Variants in CPE observed in about 807,000 individuals in gnomAD.
CPE encodes the protein carboxypeptidase E, also known as carbocypeptidase E.
A neutral mutation model predicts 53.5 loss-of-function variants in CPE; 17 were observed. The observed-to-expected ratio is 0.32, with a 90% CI of 0.22 to 0.48. The LOEUF is 0.48. Among genes scored for constraint, CPE ranks in the 20% least tolerant of loss-of-function variants. The pLI, the probability that CPE is intolerant of heterozygous loss-of-function variation, is 0.99. For missense variants in CPE, 524 were observed against 614.7 expected (o/e 0.85, Z 1.56); for synonymous variants, 226 against 228.8 (o/e 0.99, Z 0.11).
chr4:165,408,949 G>T (rs998767982), intron 1 of CPE, among the ~76,000 whole-genome samples: 1 of 152,192 alleles, frequency 6.6e-6, no homozygotes, highest in African/African-American at 2.4e-5. Context: ...AAAAGTTTCT[G>T]CAGGACACAT....
chr4:165,484,657 C>A, intron 5 of CPE, 53 bp downstream of exon 5: 1 of 1,507,584 alleles, frequency 6.6e-7, no homozygotes, highest in Non-Finnish European at 9.1e-7. Context: ...TTTACAATGA[C>A]CATTTAGGTT....
intron 3 of CPE, among the ~76,000 whole-genome samples, chr4:165,477,729 G>GA (rs35008723): frequency 0.29 from 41,376 of 145,032 alleles, 6,185 homozygotes; most frequent in African/African-American, 0.41. Context: ...ATAGCTGTGA[G>GA]AAAAAAAAAA....
intron 1 of CPE, among the ~76,000 whole-genome samples, chr4:165,398,917 G>T (rs941549343): frequency 1.3e-5 from 2 of 152,126 alleles, no homozygotes; most frequent in African/African-American, 4.8e-5. Flanking sequence ...TGTTTTGCAG[G>T]CATTAGTTGG....
At chr4:165,381,481 C>A in intron 1 of CPE, 1 of 349,122 alleles carries the variant, frequency 2.9e-6, no homozygotes, top group South Asian at 2.2e-5. Flanking sequence ...ATTCAAAATA[C>A]GTTGATTGAA....
intron 1 of CPE, chr4:165,381,428 G>A: frequency 2.4e-6 from 1 of 415,830 alleles, no homozygotes; most frequent in Non-Finnish European, 4.8e-6. Context: ...ATCAATAGCT[G>A]CATAACACAG....
At chr4:165,380,346 A>G (rs1354611333) in intron 1 of CPE, among the ~76,000 whole-genome samples, 1 of 152,180 alleles carries the variant, frequency 6.6e-6, no homozygotes, top group Non-Finnish European at 1.5e-5. Context: ...ATTCCAACTG[A>G]TGTTCCCAAA....
In CPE at chr4:165,379,658, T is replaced by G; in HGVS notation, c.307+130T>G. 2 of 940,668 alleles carry G rather than the reference T, an allele frequency of 2.1e-6. No individual in the cohort carries two copies. Among genetic ancestry groups the G allele is most frequent in the Non-Finnish European group, 1.5e-6 (1 of 671,118 alleles). 58.3% of individuals were successfully genotyped at this position (940,668 alleles called of 1,614,324 possible). A position where few individuals can be genotyped will look rare whatever the true frequency, so the allele number is the denominator to read the frequency against. ...GCCTCTTGGTAAAAGGTATCTAAGG[T>G]GGAAGGTGGGAAGTGGAGGGAGGGA... is the stretch of plus-strand genomic sequence containing the variant. On this transcript the variant is annotated intron_variant, in intron 1 of 8. Transcript: ENST00000402744. The surrounding 1 kb of genome is among the most constrained non-coding windows in gnomAD (Gnocchi z 6.0).
At chr4:165,422,061 T>A (rs1359713019) in intron 1 of CPE, among the ~76,000 whole-genome samples, 1 of 152,188 alleles carries the variant, frequency 6.6e-6, no homozygotes, top group Non-Finnish European at 1.5e-5. Flanking sequence ...ATCTGAGAAG[T>A]TTTAAAATAA....
At chr4:165,434,339 G>A (rs974129231) in intron 1 of CPE, among the ~76,000 whole-genome samples, 11 of 152,086 alleles carry the variant, frequency 7.2e-5, no homozygotes, top group African/African-American at 2.4e-4. Flanking sequence ...TCTATAATGT[G>A]AACATTGATA....
intron 8 of CPE, among the ~76,000 whole-genome samples, chr4:165,497,055 T>C (rs1732714839): frequency 6.6e-6 from 1 of 152,154 alleles, no homozygotes; most frequent in Non-Finnish European, 1.5e-5. Context: ...CCTGAGTAGC[T>C]GGGATTACAG....
At chr4:165,485,987 A>G (rs1426332166) in intron 5 of CPE, among the ~76,000 whole-genome samples, 5 of 152,208 alleles carry the variant, frequency 3.3e-5, no homozygotes, top group Non-Finnish European at 5.9e-5. Flanking sequence ...GGTCTCAGGC[A>G]AAGTCCAGCC....
At chr4:165,446,911 T>C (rs1236679265) in intron 1 of CPE, among the ~76,000 whole-genome samples, 1 of 152,196 alleles carries the variant, frequency 6.6e-6, no homozygotes, top group Non-Finnish European at 1.5e-5. Context: ...TTTGAGAAAT[T>C]AGTTGTTAGA....
chr4:165,475,488 C>G (rs927228934), intron 3 of CPE, among the ~76,000 whole-genome samples: 9 of 152,080 alleles, frequency 5.9e-5, no homozygotes, highest in African/African-American at 2.2e-4. Context: ...GCCATGGGCA[C>G]ACAAATAACA....
intron 1 of CPE, among the ~76,000 whole-genome samples, chr4:165,458,110 A>G (rs896305918): frequency 1.3e-5 from 2 of 152,240 alleles, no homozygotes; most frequent in Non-Finnish European, 2.9e-5. Flanking sequence ...TTTTAACCCC[A>G]GGTTTATCAC....
At chr4:165,442,032 TTTTGTTTTTTTTTTG>T (rs1731622120) in intron 1 of CPE, among the ~76,000 whole-genome samples, 2 of 105,014 alleles carry the variant, frequency 1.9e-5, no homozygotes, top group African/African-American at 9.1e-5. Flanking sequence ...TGTTTTTTTT[TTTTGTTTTTTTTTTG>T]TTTTTTTTTT....
At chr4:165,395,380 G>A (rs1730746153) in intron 1 of CPE, among the ~76,000 whole-genome samples, 1 of 152,114 alleles carries the variant, frequency 6.6e-6, no homozygotes, top group Non-Finnish European at 1.5e-5. Context: ...ATGAGAGTGG[G>A]AGTCCAGAGC....
intron 1 of CPE, among the ~76,000 whole-genome samples, chr4:165,435,151 T>C (rs1023969900): frequency 6.6e-6 from 1 of 152,178 alleles, no homozygotes; most frequent in Non-Finnish European, 1.5e-5. Flanking sequence ...TTACCCAGCC[T>C]CAAGTATTCC....
intron 1 of CPE, among the ~76,000 whole-genome samples, chr4:165,456,804 C>G (rs1391674362): frequency 6.8e-6 from 1 of 146,428 alleles, no homozygotes; most frequent in Admixed American, 6.9e-5. Flanking sequence ...TATAGTGGCA[C>G]GATCTTGGCT....
chr4:165,490,868 G>T (rs748543858), intron 6 of CPE, among the ~76,000 whole-genome samples: 1 of 152,124 alleles, frequency 6.6e-6, no homozygotes, highest in African/African-American at 2.4e-5. Context: ...TTCAGCCTTC[G>T]CTGAAACTGA....
Sources: gnomAD v4.1 joint callset for allele counts (sites outside exome capture counted in the v4.1 genomes callset) on GRCh38, gnomAD v4.1.1 for gene constraint, Gnocchi (gnomAD v3.1) non-coding constraint, MANE v1.5 for transcripts, NCBI Gene and HGNC (gene_info 2026-07-23, HGNC 2026-07-21) for gene names.